The following NAALADL2 variants were observed in gnomAD, a reference collection of about 807,000 sequenced individuals.
NAALADL2 encodes the protein inactive N-acetylated-alpha-linked acidic dipeptidase-like protein 2.
NAALADL2 carries 76 observed loss-of-function variants against 87.2 expected under a neutral mutation model. The observed-to-expected ratio is 0.87, with a 90% CI of 0.72 to 1.05. The LOEUF (loss-of-function observed/expected upper bound fraction) is 1.05. Among genes scored for constraint, NAALADL2 ranks in the 50% least tolerant of loss-of-function variants. The pLI is 0.00. For missense variants in NAALADL2, 1,089 were observed against 945.8 expected (o/e 1.15, Z -1.99); for synonymous variants, 354 against 331.0 (o/e 1.07, Z -0.75).
intron 2 of NAALADL2, among the ~76,000 whole-genome samples, chr3:175,101,195 G>A (rs1461067393): frequency 6.6e-6 from 1 of 152,140 alleles, no homozygotes; most frequent in Non-Finnish European, 1.5e-5. Context: ...TAATCCTTTT[G>A]CAATTTATTC....
intron 13 of NAALADL2, among the ~76,000 whole-genome samples, chr3:175,777,186 C>T (rs1583194321): frequency 6.6e-6 from 1 of 151,770 alleles, no homozygotes; most frequent in Non-Finnish European, 1.5e-5. Flanking sequence ...TTTTTTCTGT[C>T]ATCTGTGAGT....
chr3:174,954,153 C>T (rs1178471452), intron 1 of NAALADL2, among the ~76,000 whole-genome samples: 1 of 152,066 alleles, frequency 6.6e-6, no homozygotes, highest in Non-Finnish European at 1.5e-5. Flanking sequence ...CTGCCCTAAT[C>T]AGGCAACTTG....
intron 11 of NAALADL2, among the ~76,000 whole-genome samples, chr3:175,644,627 C>T (rs768119324): frequency 5.3e-5 from 8 of 152,078 alleles, no homozygotes; most frequent in Admixed American, 1.3e-4. Flanking sequence ...GAACACAATA[C>T]GTTTTAGACA....
chr3:175,306,258 T>C (rs1220204341), intron 4 of NAALADL2, among the ~76,000 whole-genome samples: 1 of 152,186 alleles, frequency 6.6e-6, no homozygotes, highest in Non-Finnish European at 1.5e-5. Flanking sequence ...ACATTAATGA[T>C]GAAAATGATG....
intron 1 of NAALADL2, chr3:174,523,464 C>A (rs1026048892): frequency 2.6e-5 from 4 of 152,138 alleles, no homozygotes; most frequent in African/African-American, 9.7e-5. Flanking sequence ...AAGCAGAGAT[C>A]AATGATGGTT....
intron 11 of NAALADL2, among the ~76,000 whole-genome samples, chr3:175,672,980 A>G (rs1308086190): frequency 6.6e-6 from 1 of 151,926 alleles, no homozygotes; most frequent in Non-Finnish European, 1.5e-5. Context: ...TATATGTTAT[A>G]TTACCCAAGC....
intron 1 of NAALADL2, among the ~76,000 whole-genome samples, chr3:174,531,887 G>A (rs1721270278): frequency 6.6e-6 from 1 of 152,050 alleles, no homozygotes; most frequent in Admixed American, 6.6e-5. Context: ...TGAACAAAAT[G>A]AGATTTACAA....
intron 2 of NAALADL2, among the ~76,000 whole-genome samples, chr3:174,694,842 A>C (rs1360678128): frequency 5.3e-5 from 8 of 152,050 alleles, no homozygotes; most frequent in Non-Finnish European, 1.0e-4. Flanking sequence ...TGTTTATAGC[A>C]GGTGTAAAAG....
chr3:175,061,728 A>ATAT (rs1713528766), intron 1 of NAALADL2, among the ~76,000 whole-genome samples: 1 of 141,542 alleles, frequency 7.1e-6, no homozygotes, highest in African/African-American at 2.6e-5. Context: ...CACTTGCACA[A>ATAT]ATATATATAT....
intron 1 of NAALADL2, among the ~76,000 whole-genome samples, chr3:174,464,794 T>A (rs1282715164): frequency 6.6e-6 from 1 of 152,056 alleles, no homozygotes; most frequent in Non-Finnish European, 1.5e-5. Flanking sequence ...TAGATAACAG[T>A]ACTCTAAGAT....
chr3:175,085,653 G>A (rs913820984), intron 1 of NAALADL2, among the ~76,000 whole-genome samples: 10 of 152,096 alleles, frequency 6.6e-5, no homozygotes, highest in African/African-American at 1.7e-4. Context: ...TGCCAGTCGC[G>A]GTGGCTCACG....
chr3:174,941,704 G>A (rs1738622126), intron 1 of NAALADL2, among the ~76,000 whole-genome samples: 1 of 151,924 alleles, frequency 6.6e-6, no homozygotes, highest in Non-Finnish European at 1.5e-5. Flanking sequence ...TATATATTTA[G>A]GATAGTTAGG....
intron 11 of NAALADL2, among the ~76,000 whole-genome samples, chr3:175,688,569 A>C (rs1736624946): frequency 6.6e-6 from 1 of 152,150 alleles, no homozygotes. Context: ...CCCTCATGGA[A>C]GGGTGCACAG....
intron 1 of NAALADL2, among the ~76,000 whole-genome samples, chr3:175,030,082 G>C (rs955228459): frequency 6.6e-6 from 1 of 151,986 alleles, no homozygotes; most frequent in African/African-American, 2.4e-5. Flanking sequence ...TTGTGTGTTG[G>C]TACTGCCATC....
chr3:175,450,577 TA>T (rs1375524642), intron 6 of NAALADL2, among the ~76,000 whole-genome samples: 1 of 152,184 alleles, frequency 6.6e-6, no homozygotes, highest in Non-Finnish European at 1.5e-5. Flanking sequence ...CCTCTAGTGT[TA>T]AAGTGAGTCA....
chr3:175,261,085 G>A (rs551778213), intron 4 of NAALADL2, among the ~76,000 whole-genome samples: 169 of 152,164 alleles, frequency 1.1e-3, no homozygotes, highest in Non-Finnish European at 2.0e-3. Flanking sequence ...AGACTTAGAG[G>A]AAAGGCTTTA....
rs376505881 is a variant in NAALADL2 at position 175,109,799 on chromosome 3, T to C, written c.545+12508T>C. Among the ~76,000 whole-genome samples the C allele has an allele frequency of 1.2e-4, 18 of 151,968 alleles. No individual in the cohort carries two copies. In the East Asian group the frequency reaches 1.9e-3, roughly 16 times the overall value. On this transcript the variant is annotated intron_variant, in intron 2 of 13. Transcript: ENST00000454872. ...ACTGTTTCTTTACTAATTTATTTGG[T>C]TTTGGTCATCATATTTACAAACAAT... is the stretch of plus-strand genomic sequence containing the variant.
At chr3:174,691,480 A>T (rs891861441) in intron 2 of NAALADL2, among the ~76,000 whole-genome samples, 1 of 151,880 alleles carries the variant, frequency 6.6e-6, no homozygotes, top group African/African-American at 2.4e-5. Flanking sequence ...CAATCATCTG[A>T]GCCTTCAGCA....
Position 175,183,230 on chromosome 3 carries a change from G to A in NAALADL2, c.546-50701G>A, listed in dbSNP as rs150822765. Among the ~76,000 whole-genome samples the A allele has an allele frequency of 2.2e-3, 313 of 139,270 alleles. 3 individuals are homozygous for A. The highest frequency in any genetic ancestry group is 0.022 in the Middle Eastern group (6 of 270). The allele number at this position is 139,270 out of a possible 152,430, so 91.4% of individuals were successfully genotyped here. On this transcript the variant is annotated intron_variant, in intron 2 of 13. Transcript: ENST00000454872. ...TCATTATACTGATCTTTTGCCTCCC[G>A]GTTAGATTTATTCCTAAGTATTTTT...
Sources: gnomAD v4.1 joint callset for allele counts (sites outside exome capture counted in the v4.1 genomes callset) on GRCh38, gnomAD v4.1.1 for gene constraint, MANE v1.5 for transcripts, NCBI Gene and HGNC (gene_info 2026-07-23, HGNC 2026-07-21) for gene names.